UBE2L3: variants seen among roughly 807,000 people sequenced by gnomAD.
The protein encoded by UBE2L3 is ubiquitin conjugating enzyme E2 L3, also known as ubiquitin-conjugating enzyme E2 L3.
Under a neutral mutation model 17.8 loss-of-function variants are expected in UBE2L3, and 1 was observed. The ratio of observed to expected loss-of-function variants is 0.06; its 90% CI spans 0.02 to 0.27. The LOEUF is 0.27. UBE2L3 is among the 10% of genes least tolerant of loss of function. The pLI is 1.00. For missense variants in UBE2L3, 40 were observed against 192.6 expected (o/e 0.21, Z 4.69); for synonymous variants, 44 against 68.5 (o/e 0.64, Z 1.76).
At chr22:21,596,574 T>A (rs1274688902) in intron 2 of UBE2L3, among the ~76,000 whole-genome samples, 2 of 152,078 alleles carry the variant, frequency 1.3e-5, no homozygotes, top group Non-Finnish European at 2.9e-5. Flanking sequence ...CCTTGCTCTG[T>A]TGCCCAGGCT....
At chr22:21,608,955 C>T (rs1286133959) in intron 2 of UBE2L3, among the ~76,000 whole-genome samples, 3 of 151,754 alleles carry the variant, frequency 2.0e-5, no homozygotes, top group African/African-American at 4.8e-5. Flanking sequence ...ACTGCAGTGG[C>T]GCAATCTCCA....
chr22:21,614,409 G>A, intron 3 of UBE2L3: 3 of 431,934 alleles, frequency 6.9e-6, no homozygotes, highest in Non-Finnish European at 8.6e-6. Flanking sequence ...GAGGAACATG[G>A]TGAAACCCCG....
rs189028817 is a variant in UBE2L3 at position 21,615,338 on chromosome 22, A to G, written c.310+4295A>G. Reference sequence around the variant, plus strand: ...TGGGAGGCCAAGGCGGGCAGATCACAAGGTCAGGAGATTGAGACCATCCTG... The same window carrying G: ...TGGGAGGCCAAGGCGGGCAGATCACGAGGTCAGGAGATTGAGACCATCCTG... On this transcript the variant is annotated intron_variant, in intron 3 of 3. Transcript: ENST00000342192. Among the ~76,000 whole-genome samples, 752 of 151,860 alleles carry G rather than the reference A, an allele frequency of 5.0e-3. 10 individuals are homozygous for G. The highest frequency in any genetic ancestry group is 0.017 in the African/African-American group (712 of 41,418).
chr22:21,601,996 C>T (rs184304207), intron 2 of UBE2L3, among the ~76,000 whole-genome samples: 77 of 151,202 alleles, frequency 5.1e-4, no homozygotes, highest in South Asian at 1.5e-3. Context: ...GACAAACCAG[C>T]CTGGGGCACT....
chr22:21,619,664 A>G (rs576672857), intron 3 of UBE2L3, among the ~76,000 whole-genome samples: 21 of 152,368 alleles, frequency 1.4e-4, no homozygotes, highest in African/African-American at 4.8e-4. Flanking sequence ...ATGCCTTTGC[A>G]TATGACTCAG....
At chr22:21,566,937 T>C (rs1442490229), upstream of UBE2L3, among the ~76,000 whole-genome samples, 1 of 152,184 alleles carries the variant, frequency 6.6e-6, no homozygotes, top group Non-Finnish European at 1.5e-5. Context: ...CACTGGCTTC[T>C]TCTGTGCTTC....
rs1927360904 is a variant in UBE2L3 at position 21,577,162 on chromosome 22, G to T, written c.27+9391G>T. 2.6e-5 allele frequency among the ~76,000 whole-genome samples: 4 copies of T among 151,634 alleles called. 1 individual carries two copies. In the South Asian group the frequency reaches 8.3e-4, roughly 31 times the overall value. ...CTTTTGTATTTTTAGTAGAAACGGG[G>T]TTTCACCATGTTAGCCAGGATGGTC... On this transcript the variant is annotated intron_variant, in intron 1 of 3. Coordinates refer to ENST00000342192, the MANE Select transcript of UBE2L3 (RefSeq NM_003347.4).
At chr22:21,614,425 AC>A (rs1056303060) in intron 3 of UBE2L3, 23 of 483,918 alleles carry the variant, frequency 4.8e-5, no homozygotes, top group Non-Finnish European at 7.4e-5. Context: ...CCCCGTCTGT[AC>A]CAAAAAAAAA....
rs1601411013 is a variant in UBE2L3, at chr22:21,585,919, T to C, written c.28-6942T>C. ...TTTTGTTGGGGGAAGGGTCGTCTAG[T>C]GCTGTTGGATTTCTTTTCTAGTTTT... On this transcript the variant is annotated intron_variant, in intron 1 of 3. Coordinates refer to ENST00000342192, the MANE Select transcript of UBE2L3 (RefSeq NM_003347.4). Among the ~76,000 whole-genome samples, 3 of 152,176 alleles carry C rather than the reference T, an allele frequency of 2.0e-5. No homozygotes were observed. The East Asian group carries it at 5.8e-4, about 29-fold the overall frequency.
chr22:21,614,570 C>T, intron 3 of UBE2L3: 1 of 1,367,516 alleles, frequency 7.3e-7, no homozygotes. Flanking sequence ...CTTCAGCGTT[C>T]CCAATTATGG....
intron 1 of UBE2L3, among the ~76,000 whole-genome samples, chr22:21,592,379 G>A (rs1222577664): frequency 3.3e-5 from 5 of 152,066 alleles, no homozygotes; most frequent in South Asian, 2.1e-4. Flanking sequence ...CTGGATATGC[G>A]TTTGTGTCTG....
At chr22:21,617,459 G>A (rs1413561134) in intron 3 of UBE2L3, among the ~76,000 whole-genome samples, 2 of 152,064 alleles carry the variant, frequency 1.3e-5, no homozygotes, top group African/African-American at 4.8e-5. Context: ...TAGAGACAAG[G>A]TTTCACCATA....
chr22:21,587,143 C>T (rs1393717951), intron 1 of UBE2L3, among the ~76,000 whole-genome samples: 1 of 152,048 alleles, frequency 6.6e-6, no homozygotes, highest in Non-Finnish European at 1.5e-5. Flanking sequence ...GCTTTGGCCT[C>T]CCAAAATGCT....
At chr22:21,558,355 G>A (rs1000521640) in intron 1 of UBE2L3, among the ~76,000 whole-genome samples, 3 of 152,232 alleles carry the variant, frequency 2.0e-5, no homozygotes, top group East Asian at 1.9e-4. Flanking sequence ...ATTTTTGGCC[G>A]GGCGCAGTGG....
At chr22:21,567,647 C>G, upstream of UBE2L3, 1 of 1,546,250 alleles carries the variant, frequency 6.5e-7, no homozygotes, top group Admixed American at 2.0e-5. Context: ...CTCCTGTGCC[C>G]CGCCCCGCGG....
chr22:21,557,414 A>G (rs1206303725), intron 1 of UBE2L3, among the ~76,000 whole-genome samples: 1 of 152,272 alleles, frequency 6.6e-6, no homozygotes, highest in East Asian at 1.9e-4. Flanking sequence ...TAAAAACAAT[A>G]ATAATAAATA....
At chr22:21,568,447 A>G (rs1267823613) in intron 1 of UBE2L3, 1 of 984,272 alleles carries the variant, frequency 1.0e-6, no homozygotes, top group Non-Finnish European at 1.2e-6. Flanking sequence ...CCTCTCCTCC[A>G]CTCAGTCATC....
intron 3 of UBE2L3, among the ~76,000 whole-genome samples, chr22:21,621,307 G>A (rs1220006737): frequency 6.6e-6 from 1 of 152,220 alleles, no homozygotes; most frequent in East Asian, 1.9e-4. Flanking sequence ...TTAGCTATTT[G>A]TTGTCCATCA....
At chr22:21,567,993 C>T in intron 1 of UBE2L3, 1 of 1,360,162 alleles carries the variant, frequency 7.4e-7, no homozygotes, top group Non-Finnish European at 9.4e-7. Flanking sequence ...CTGTCGGCCC[C>T]TCAGCCCGGC....
Sources: allele counts gnomAD v4.1 joint callset (sites outside exome capture counted in the v4.1 genomes callset), GRCh38; gene constraint gnomAD v4.1.1; transcripts MANE v1.5; gene names NCBI Gene and HGNC (gene_info 2026-07-23, HGNC 2026-07-21).